Variants in ERICH1 observed in about 807,000 individuals in gnomAD.
The protein encoded by ERICH1 is glutamate rich 1.
ERICH1 carries 56 observed loss-of-function variants against 39.6 expected under a neutral mutation model. The ratio of observed to expected loss-of-function variants is 1.41; its 90% CI spans 1.14 to 1.77. ERICH1 has a LOEUF of 1.77. Ranked by LOEUF, ERICH1 falls within the 40% of genes most tolerant of loss-of-function variation. ERICH1 has a pLI of 0.00. For missense variants in ERICH1, 826 were observed against 575.4 expected (o/e 1.44, Z -4.45); for synonymous variants, 313 against 223.6 (o/e 1.40, Z -3.57).
intron 2 of ERICH1, among the ~76,000 whole-genome samples, chr8:696,920 C>G (rs1391428019): frequency 6.7e-6 from 1 of 150,338 alleles, no homozygotes; most frequent in African/African-American, 2.5e-5. Context: ...TCCCCATCAG[C>G]CTGTACTCGC....
At chr8:620,777 T>C (rs1051289634) in intron 3 of ERICH1, among the ~76,000 whole-genome samples, 1 of 152,108 alleles carries the variant, frequency 6.6e-6, no homozygotes, top group Admixed American at 6.5e-5. Flanking sequence ...CACCCCAAAA[T>C]ATATAAAGCA....
chr8:618,262 C>A (rs1182319052), intron 3 of ERICH1, among the ~76,000 whole-genome samples: 1 of 152,056 alleles, frequency 6.6e-6, no homozygotes, highest in Non-Finnish European at 1.5e-5. Flanking sequence ...ATCCTCACTA[C>A]CCTCTGAGTG....
intron 3 of ERICH1, among the ~76,000 whole-genome samples, chr8:621,655 T>C (rs1797289382): frequency 6.6e-6 from 1 of 151,950 alleles, no homozygotes; most frequent in Admixed American, 6.5e-5. Flanking sequence ...ACAAGACCAA[T>C]GGTTAGTTCT....
Position 692,408 on chromosome 8 carries a change from A to C in ERICH1, c.304+70T>G, listed in dbSNP as rs559467600. The C allele has an allele frequency of 1.9e-6, 3 of 1,608,744 alleles. No homozygotes were observed. In the South Asian group the frequency reaches 3.3e-5, roughly 18 times the overall value. On this transcript the variant is annotated intron_variant, in intron 3 of 5. Coordinates refer to ENST00000262109, the MANE Select transcript of ERICH1 (RefSeq NM_207332.3). Reference sequence around the variant, plus strand: ...TATGAATTTAGATAAAGGTATTACAATACCAGAAAATTGGGAAATACGAGC... The same window carrying C: ...TATGAATTTAGATAAAGGTATTACACTACCAGAAAATTGGGAAATACGAGC...
At chr8:729,334 C>T (rs1163679341) in intron 1 of ERICH1, among the ~76,000 whole-genome samples, 2 of 152,206 alleles carry the variant, frequency 1.3e-5, no homozygotes, top group Admixed American at 6.5e-5. Context: ...TGACCCTGAG[C>T]TGGACCTTGG....
Position 624,714 on chromosome 8 carries a change from TTTTTTA to T in ERICH1, c.977-9436_977-9431del, listed in dbSNP as rs777645061. On this transcript the variant is annotated intron_variant, in intron 3 of 3. Transcript: ENST00000522706. ...GGCGCTACACACTTTTTTTTTTATA[TTTTTTA>T]TTTTTATTTTTATTTTTATTTTGTT... Among the ~76,000 whole-genome samples the T allele has an allele frequency of 1.3e-4, 19 of 151,808 alleles. 1 individual carries two copies. The highest frequency in any genetic ancestry group is 4.2e-4 in the South Asian group (2 of 4,782).
At chr8:704,642 G>A (rs898731646) in intron 2 of ERICH1, among the ~76,000 whole-genome samples, 1 of 152,044 alleles carries the variant, frequency 6.6e-6, no homozygotes, top group African/African-American at 2.4e-5. Context: ...AATCATATTG[G>A]AAGGACGGGG....
At chr8:691,696 T>A (rs2132061200) in intron 3 of ERICH1, among the ~76,000 whole-genome samples, 1 of 152,392 alleles carries the variant, frequency 6.6e-6, no homozygotes, top group South Asian at 2.1e-4. Flanking sequence ...TTTTTGTTTT[T>A]ATGGTTTCTG....
At chr8:692,739 A>G in intron 2 of ERICH1, 127 bp from the exon 3 acceptor site, 3 of 1,131,554 alleles carry the variant, frequency 2.7e-6, no homozygotes, top group Non-Finnish European at 3.6e-6. Context: ...AGCTCAATAA[A>G]ACCTAACCAC....
intron 3 of ERICH1, among the ~76,000 whole-genome samples, chr8:619,321 C>T (rs1797133332): frequency 1.3e-5 from 2 of 152,238 alleles, no homozygotes; most frequent in South Asian, 2.1e-4. Context: ...TGAGACCTAT[C>T]TCACACAAGG....
At chr8:670,003 G>C (rs1401910150) in intron 4 of ERICH1, among the ~76,000 whole-genome samples, 1 of 151,930 alleles carries the variant, frequency 6.6e-6, no homozygotes, top group African/African-American at 2.4e-5. Flanking sequence ...TCTCCACCTG[G>C]GCCTGTTTCA....
chr8:712,790 A>G (rs1815057263), intron 2 of ERICH1, among the ~76,000 whole-genome samples: 1 of 152,238 alleles, frequency 6.6e-6, no homozygotes, highest in African/African-American at 2.4e-5. Context: ...TGTATCGTAC[A>G]ACCCCACTAT....
intron 2 of ERICH1, 36 bp from the exon 3 acceptor site, chr8:692,648 AT>A (rs1308520044): frequency 1.3e-6 from 2 of 1,537,326 alleles, no homozygotes; most frequent in Admixed American, 4.4e-5. Context: ...GAACTGGTAA[AT>A]ATCACAAAAT....
At chr8:690,013 T>C (rs1269740939) in intron 3 of ERICH1, among the ~76,000 whole-genome samples, 1 of 152,146 alleles carries the variant, frequency 6.6e-6, no homozygotes, top group Non-Finnish European at 1.5e-5. Context: ...TCTGGCACAA[T>C]CTATAGTGGG....
intron 3 of ERICH1, among the ~76,000 whole-genome samples, chr8:682,086 T>C (rs1806265954): frequency 1.2e-5 from 1 of 84,642 alleles, no homozygotes; most frequent in South Asian, 4.2e-4. Context: ...TGAGTAGGTC[T>C]TGAGCCCAGT....
rs780224169 is a variant in ERICH1, at chr8:731,197, C to G, written c.-36G>C. 11 of 1,467,888 alleles carry G rather than the reference C, an allele frequency of 7.5e-6. No homozygotes were observed. The Admixed American group carries it at 1.5e-4, about 19-fold the overall frequency. 90.9% of individuals were successfully genotyped at this position (1,467,888 alleles called of 1,614,324 possible). ...GCCGCGGACCTCAGACCACGGCGCG[C>G]GGTCCTGAGCTGAGCGCCGTGCCTT... On this transcript the variant is annotated 5_prime_UTR_variant, in exon 1 of 6. Transcript: ENST00000262109.
chr8:676,630 A>G (rs1253919085), intron 3 of ERICH1, among the ~76,000 whole-genome samples: 2 of 152,180 alleles, frequency 1.3e-5, no homozygotes, highest in Non-Finnish European at 2.9e-5. Context: ...TGTGCAGGCC[A>G]AGAACAGACG....
intron 3 of ERICH1, among the ~76,000 whole-genome samples, chr8:616,908 GAGAGAGAGAGACAGAA>G (rs1563156777): frequency 1.8e-5 from 1 of 54,214 alleles, no homozygotes. Flanking sequence ...CACACAGAGA[GAGAGAGAGAGACAGAA>G]AGAGACAGAG....
intron 2 of ERICH1, among the ~76,000 whole-genome samples, chr8:697,290 G>A (rs1011562304): frequency 1.3e-5 from 2 of 152,178 alleles, no homozygotes; most frequent in African/African-American, 2.4e-5. Context: ...CCAGCCTCCT[G>A]CCAGCGCAGG....
Sources: allele counts gnomAD v4.1 joint callset (sites outside exome capture counted in the v4.1 genomes callset), GRCh38; gene constraint gnomAD v4.1.1; transcripts MANE v1.5; gene names NCBI Gene and HGNC (gene_info 2026-07-23, HGNC 2026-07-21).